The following TUSC3 variants were observed in gnomAD, a reference collection of about 807,000 sequenced individuals.
The protein encoded by TUSC3 is tumor suppressor candidate 3.
TUSC3 carries 45 observed loss-of-function variants against 44.8 expected under a neutral mutation model. That is an observed-to-expected ratio of 1.00 (90% CI 0.79 to 1.29). The LOEUF is 1.29. Ranked by LOEUF, TUSC3 falls within the 50% of genes most tolerant of loss-of-function variation. The pLI is 0.00. For missense variants in TUSC3, 519 were observed against 437.9 expected (o/e 1.19, Z -1.65); for synonymous variants, 212 against 152.9 (o/e 1.39, Z -2.85).
chr8:15,610,737 A>G (rs1013733253), intron 1 of TUSC3, among the ~76,000 whole-genome samples: 6 of 152,210 alleles, frequency 3.9e-5, no homozygotes, highest in East Asian at 1.9e-4. Flanking sequence ...CAATTCCTAT[A>G]TTAGAGCGTA....
At chr8:15,574,065 A>G (rs1457862701) in intron 1 of TUSC3, among the ~76,000 whole-genome samples, 1 of 151,910 alleles carries the variant, frequency 6.6e-6, no homozygotes, top group African/African-American at 2.4e-5. Context: ...TGAATCCTTT[A>G]TTGTCTTGGA....
At chr8:15,498,484 C>G (rs905447932) in intron 2 of TUSC3, among the ~76,000 whole-genome samples, 2 of 152,176 alleles carry the variant, frequency 1.3e-5, no homozygotes, top group African/African-American at 4.8e-5. Flanking sequence ...ATGAAAATGA[C>G]CTTCAGGTGA....
chr8:15,720,569 A>C (rs1810265551), intron 6 of TUSC3, among the ~76,000 whole-genome samples: 1 of 152,086 alleles, frequency 6.6e-6, no homozygotes, highest in African/African-American at 2.4e-5. Flanking sequence ...AAAGTCTCTG[A>C]TGTCAAAGAT....
chr8:15,668,641 C>T (rs1320407080), intron 5 of TUSC3, among the ~76,000 whole-genome samples: 1 of 151,616 alleles, frequency 6.6e-6, no homozygotes, highest in East Asian at 1.9e-4. Context: ...TTATTTGTGA[C>T]TCTCAAAGAA....
intron 1 of TUSC3, among the ~76,000 whole-genome samples, chr8:15,567,640 A>AT (rs1802726378): frequency 6.6e-6 from 1 of 152,190 alleles, no homozygotes; most frequent in Non-Finnish European, 1.5e-5. Flanking sequence ...GCAGTCAAGC[A>AT]TGAGAGTGAG....
intron 1 of TUSC3, among the ~76,000 whole-genome samples, chr8:15,565,402 C>A (rs1490544226): frequency 1.3e-5 from 2 of 152,086 alleles, no homozygotes; most frequent in Admixed American, 6.5e-5. Context: ...GGTAAGGTAA[C>A]AATTAACCTG....
chr8:15,581,796 G>A (rs6980852), intron 1 of TUSC3, among the ~76,000 whole-genome samples: 125,807 of 128,692 alleles, frequency 0.98, 61,522 homozygotes, highest in East Asian at 0.99. Flanking sequence ...GCCCCCAGAG[G>A]TGGAGCCTAC....
At chr8:15,491,499 T>TAGGTA (rs1800808422) in intron 2 of TUSC3, among the ~76,000 whole-genome samples, 1 of 151,976 alleles carries the variant, frequency 6.6e-6, no homozygotes, top group African/African-American at 2.4e-5. Context: ...CCCAAAGGTT[T>TAGGTA]AGGTAACTAA....
chr8:15,820,984 C>G, the TUSC3 span, among the ~76,000 whole-genome samples: 1 of 152,100 alleles, frequency 6.6e-6, no homozygotes, highest in African/African-American at 2.4e-5. Flanking sequence ...ACTTTTGTTA[C>G]TCTTAACAAA....
At chr8:15,674,384 T>C (rs1180169456) in intron 6 of TUSC3, among the ~76,000 whole-genome samples, 6 of 152,130 alleles carry the variant, frequency 3.9e-5, no homozygotes, top group Admixed American at 2.6e-4. Context: ...TTACGTTTGG[T>C]GAATAGGAAA....
At chr8:15,601,430 AATTT>A (rs1470529981) in intron 1 of TUSC3, among the ~76,000 whole-genome samples, 2 of 151,656 alleles carry the variant, frequency 1.3e-5, no homozygotes, top group Non-Finnish European at 3.0e-5. Flanking sequence ...AACAAGAAAT[AATTT>A]ATTAGTGACT....
intron 6 of TUSC3, among the ~76,000 whole-genome samples, chr8:15,702,806 CAACT>C (rs1433416681): frequency 4.6e-5 from 7 of 152,048 alleles, no homozygotes; most frequent in Non-Finnish European, 8.8e-5. Context: ...ACAAAAAATA[CAACT>C]AACTTCTCTT....
Position 15,426,482 on chromosome 8 carries a change from T to C in TUSC3, n.91+9177T>C, listed in dbSNP as rs116062177. On this transcript the variant is annotated intron_variant and non_coding_transcript_variant, in intron 1 of 5. Transcript: ENST00000503191. ...GACTGTTATAGATACCTCATGTAAGTGGAAGTCTACTATATTTGTCCTTCT... is the reference window on the plus strand; with the variant it reads ...GACTGTTATAGATACCTCATGTAAGCGGAAGTCTACTATATTTGTCCTTCT... 2.5e-3 allele frequency among the ~76,000 whole-genome samples: 378 copies of C among 152,352 alleles called. 3 individuals are homozygous for C. The highest frequency in any genetic ancestry group is 0.024 in the Middle Eastern group (7 of 294).
At chr8:15,822,898 T>C in the TUSC3 span, among the ~76,000 whole-genome samples, 5 of 152,136 alleles carry the variant, frequency 3.3e-5, no homozygotes, top group Non-Finnish European at 5.9e-5. Flanking sequence ...AAAAGCTTGT[T>C]TGCAGTGGAT....
rs777068372 is a variant in TUSC3 at position 15,623,185 on chromosome 8, C to G, written c.244C>G (p.Arg82Gly). 1.2e-5 allele frequency: 20 copies of G among 1,613,424 alleles called. No homozygotes were observed. Among genetic ancestry groups the G allele is most frequent in the Middle Eastern group, 1.6e-4 (1 of 6,076 alleles). ...KFRKFIKAPPRNYSMIVMFTA... is the reference protein window; with the variant it reads ...KFRKFIKAPPGNYSMIVMFTA... ...CCGAAAATTTATAAAGGCACCACCTCGAAACTATTCCATGATTGTTATGTT... is the reference window on the plus strand; with the variant it reads ...CCGAAAATTTATAAAGGCACCACCTGGAAACTATTCCATGATTGTTATGTT... The change falls in exon 2 of 11, where the codon CGA (arginine) becomes GGA (glycine). Residue 82 changes from arginine to glycine, a missense_variant. Arg to Gly is a moderately radical substitution (Grantham distance 125, BLOSUM62 -2). Transcript: ENST00000503731.
intron 1 of TUSC3, among the ~76,000 whole-genome samples, chr8:15,609,832 A>T (rs1186975310): frequency 6.6e-6 from 1 of 152,024 alleles, no homozygotes; most frequent in Admixed American, 6.6e-5. Context: ...ATTTTCAACT[A>T]TTTACATGAC....
At position 15,517,248 on chromosome 8, in the gene TUSC3, T is replaced by C. The variant is rs896324820; in HGVS notation, n.189+33765T>C. ...GATGGAGAAACTGAAGAACAAATAA[T>C]TGATTTGTGTAGTGTTGTAAAAATT... is the stretch of plus-strand genomic sequence containing the variant. On this transcript the variant is annotated intron_variant and non_coding_transcript_variant, in intron 2 of 5. Coordinates refer to the TUSC3 transcript ENST00000503191. Among the ~76,000 whole-genome samples the C allele has an allele frequency of 7.9e-5, 12 of 152,188 alleles. No homozygotes were observed. The South Asian group carries it at 2.5e-3, about 32-fold the overall frequency.
downstream of TUSC3, among the ~76,000 whole-genome samples, chr8:15,771,342 G>A (rs974976739): frequency 3.3e-5 from 5 of 152,040 alleles, no homozygotes; most frequent in African/African-American, 1.2e-4. Context: ...TAAGAAAGCT[G>A]ATTCATATGG....
At chr8:15,684,562 G>GGACT (rs1808550833) in intron 6 of TUSC3, among the ~76,000 whole-genome samples, 1 of 152,114 alleles carries the variant, frequency 6.6e-6, no homozygotes, top group Non-Finnish European at 1.5e-5. Context: ...TGATGCCTTG[G>GGACT]GACTCCCTGG....
Sources: allele counts gnomAD v4.1 joint callset (sites outside exome capture counted in the v4.1 genomes callset), GRCh38; gene constraint gnomAD v4.1.1; transcripts MANE v1.5; gene names NCBI Gene and HGNC (gene_info 2026-07-23, HGNC 2026-07-21).